Variants in AHNAK2 observed in about 807,000 individuals in gnomAD.
The protein encoded by AHNAK2 is protein AHNAK2.
AHNAK2 carries 18 observed loss-of-function variants against 30.7 expected under a neutral mutation model. That is an observed-to-expected ratio of 0.59 (90% CI 0.41 to 0.87). The LOEUF is 0.87. Among genes scored for constraint, AHNAK2 ranks in the 40% least tolerant of loss-of-function variants. AHNAK2 has a pLI of 0.00. For missense variants in AHNAK2, 8,604 were observed against 7,373.0 expected, an observed-to-expected ratio of 1.17 and a Z score of -6.11; for synonymous variants, 3,590 against 3,073.8, an observed-to-expected ratio of 1.17 and a Z score of -5.56.
At position 104,951,597 on chromosome 14, in the gene AHNAK2, T is replaced by C. The variant is rs769099753; in HGVS notation, c.3854A>G (p.His1285Arg). 7 of 1,244,248 alleles carry C rather than the reference T, an allele frequency of 5.6e-6. 2 individuals are homozygous for C. The highest frequency in any genetic ancestry group is 1.4e-5 in the African/African-American group (1 of 70,028). 77.1% of individuals were successfully genotyped at this position (1,244,248 alleles called of 1,614,324 possible). Residue 1285 changes from histidine (H) to arginine (R), a missense_variant, in exon 7 of 7, where the codon CAC (histidine) becomes CGC (arginine). Physicochemically the swap from His to Arg is conservative, Grantham distance 29. Coordinates refer to ENST00000333244, the MANE Select transcript of AHNAK2 (RefSeq NM_138420.4). ...ACTGGGCAGAGACACAGCCACTTCG[T>C]GGGCCGTCACCTCTGCCTTATGACC... ...LKGHKAEVTA[H>R]EVAVSLPSVE...
rs1216152832 is a variant in AHNAK2, at chr14:104,943,452, G to A, written c.11999C>T (p.Ala4000Val). 4 of 1,613,154 alleles carry A rather than the reference G, an allele frequency of 2.5e-6. No homozygotes were observed. Among genetic ancestry groups the A allele is most frequent in the Non-Finnish European group, 2.5e-6 (3 of 1,179,644 alleles). The change falls in exon 7 of 7, where the codon GCC (alanine) becomes GTC (valine). Residue 4000 changes from alanine (A) to valine (V), a missense_variant. Coordinates refer to ENST00000333244, the MANE Select transcript of AHNAK2 (RefSeq NM_138420.4). Reference sequence around the variant, plus strand: ...CTGCATGGAAGGGAGGCTCACGTCGGCCTCCACCTTTGGCGCGGTCACATC... The same window carrying A: ...CTGCATGGAAGGGAGGCTCACGTCGACCTCCACCTTTGGCGCGGTCACATC... ...SVDVTAPKVE[A>V]DVSLPSMQGD...
In AHNAK2 at chr14:104,944,265, A is replaced by C. The variant is rs1203752523; in HGVS notation, c.11186T>G (p.Leu3729Trp). The change falls in exon 7 of 7, where the codon TTG (leucine) becomes TGG (tryptophan). Residue 3729 changes from leucine to tryptophan, a missense_variant. Leu to Trp is a moderately conservative substitution (Grantham distance 61). Coordinates refer to ENST00000333244, the MANE Select transcript of AHNAK2 (RefSeq NM_138420.4). ...CTTGAGGTCCACTTTGGGCATCTTC[A>C]AACTGGGCATCTCCACCTTGGGCAG... ...EHLPKVEMPS[L>W]KMPKVDLKGP... 1 of 1,612,174 alleles carries C rather than the reference A, an allele frequency of 6.2e-7. No homozygotes were observed.
At chr14:104,970,184 C>T (rs1899435782) in intron 1 of AHNAK2, among the ~76,000 whole-genome samples, 2 of 152,176 alleles carry the variant, frequency 1.3e-5, no homozygotes, top group Non-Finnish European at 2.9e-5. Context: ...TGCCACACAC[C>T]TTGTATGGCC....
Position 104,947,352 on chromosome 14 carries a change from G to T in AHNAK2, c.8099C>A (p.Pro2700His). The T allele has an allele frequency of 1.2e-6, 2 of 1,612,396 alleles. No individual in the cohort carries two copies. Among genetic ancestry groups the T allele is most frequent in the Non-Finnish European group, 1.7e-6 (2 of 1,179,500 alleles). ...DLKTTDISIQ[P>H]PSAQLEVQAG... ...CTGGACCTCCAGTTGGGCAGAGGGG[G>T]GCTGAATGCTGATGTCAGTGGTCTT... The change falls in exon 7 of 7, where the codon CCC (proline) becomes CAC (histidine). Residue 2700 changes from proline (P) to histidine (H), a missense_variant. Transcript: ENST00000333244.
At position 104,941,922 on chromosome 14, in the gene AHNAK2, T is replaced by C. The variant is rs1224767135; in HGVS notation, c.13529A>G (p.Asp4510Gly). ...PSMQGDLKTT[D>G]LRIQAPSADL... ...GGCGGAAGGGGCCTGAATGCGGAGG[T>C]CAGTGGTCTTGAGGTCCCCCTGCAT... The change falls in exon 7 of 7, where the codon GAC becomes GGC. Residue 4510 changes from aspartate to glycine, a missense_variant. Coordinates refer to ENST00000333244, the MANE Select transcript of AHNAK2 (RefSeq NM_138420.4). 2 of 1,612,878 alleles carry C rather than the reference T, an allele frequency of 1.2e-6. No individual in the cohort carries two copies. Among genetic ancestry groups the C allele is most frequent in the Non-Finnish European group, 1.7e-6 (2 of 1,179,496 alleles).
At position 104,942,389 on chromosome 14, in the gene AHNAK2, A is replaced by T. The variant is rs201943331; in HGVS notation, c.13062T>A (p.Asp4354Glu). The part of the protein sequence containing the change: ...THLSIQPPSA[D>E]LEVQAGQEDV... ...CCTCTTGGCCAGCCTGGACCTCCAG[A>T]TCAGCGGAAGGGGGCTGAATGCTGA... Residue 4354 changes from aspartate to glutamate, a missense_variant, in exon 7 of 7, where the codon GAT (aspartate) becomes GAA (glutamate). Asp to Glu is a conservative substitution (Grantham distance 45). Coordinates refer to ENST00000333244, the MANE Select transcript of AHNAK2 (RefSeq NM_138420.4). The T allele has an allele frequency of 6.2e-7, 1 of 1,605,276 alleles. No individual in the cohort carries two copies. Among genetic ancestry groups the T allele is most frequent in the African/African-American group, 1.4e-5 (1 of 72,882 alleles).
chr14:104,975,534 C>G (rs1899570339), intron 1 of AHNAK2, among the ~76,000 whole-genome samples: 1 of 152,236 alleles, frequency 6.6e-6, no homozygotes, highest in Non-Finnish European at 1.5e-5. Flanking sequence ...TACAGAGGGG[C>G]TCCTTTGCCT....
Position 104,955,776 on chromosome 14 carries a change from C to T in AHNAK2, c.316-143G>A, listed in dbSNP as rs549651790. 2.6e-6 allele frequency: 3 copies of T among 1,163,044 alleles called. No individual in the cohort carries two copies. In the Admixed American group the frequency reaches 9.5e-5, roughly 37 times the overall value. 72.0% of individuals were successfully genotyped at this position (1,163,044 alleles called of 1,614,324 possible). A position where few individuals can be genotyped will look rare whatever the true frequency, so the allele number is the denominator to read the frequency against. On this transcript the variant is annotated intron_variant, in intron 4 of 6. Coordinates refer to ENST00000333244, the MANE Select transcript of AHNAK2 (RefSeq NM_138420.4). Reference sequence around the variant, plus strand: ...ACAACACAGAGCAGAGTAGGGTACCCACCAGGTGGGCTCAGGTAGCTGTCT... The same window carrying T: ...ACAACACAGAGCAGAGTAGGGTACCTACCAGGTGGGCTCAGGTAGCTGTCT...
At position 104,942,514 on chromosome 14, in the gene AHNAK2, G is replaced by A. The variant is rs778026192; in HGVS notation, c.12937C>T (p.Pro4313Ser). 6.2e-7 allele frequency: 1 copy of A among 1,612,974 alleles called. No individual in the cohort carries two copies. Among genetic ancestry groups the A allele is most frequent in the South Asian group, 1.1e-5 (1 of 91,038 alleles). The change falls in exon 7 of 7, where the codon CCA (proline) becomes TCA (serine). Residue 4313 changes from proline to serine, a missense_variant. Pro to Ser is a moderately conservative substitution (Grantham distance 74, BLOSUM62 -1). Transcript: ENST00000333244. The stretch of plus-strand genomic sequence containing the variant: ...AACGAGGCCTCGATGGACTTGCCTG[G>A]GGCAGACACCCCGAACGACGGCATC... ...FKMPSFGVSA[P>S]GKSIEASLDV...
Position 104,943,301 on chromosome 14 carries a change from G to A in AHNAK2, c.12150C>T (p.His4050=). The A allele has an allele frequency of 6.2e-7, 1 of 1,613,056 alleles. No individual in the cohort carries two copies. Among genetic ancestry groups the A allele is most frequent in the Non-Finnish European group, 8.5e-7 (1 of 1,179,604 alleles). ...AACTGGGCATCTGCACCTTGGGCAG[G>A]TGCCCTTTGAGGCTGGCTCCCTCGG... is the stretch of plus-strand genomic sequence containing the variant. ...PVPEGASLKG[H]LPKVQMPSFK... The change falls in exon 7 of 7, where the codon CAC becomes CAT. Residue 4050 remains histidine (H), a synonymous_variant. Transcript: ENST00000333244.
chr14:104,976,650 G>A (rs1360355262), intron 1 of AHNAK2, among the ~76,000 whole-genome samples: 4 of 152,208 alleles, frequency 2.6e-5, no homozygotes, highest in Non-Finnish European at 5.9e-5. Flanking sequence ...TCCGTAGGCT[G>A]GACACAGGGA....
rs748710099 is a variant in AHNAK2, at chr14:104,954,025, G to A, written c.1426C>T (p.Gln476Ter). 1.2e-6 allele frequency: 2 copies of A among 1,613,720 alleles called. No individual in the cohort carries two copies. The highest frequency in any genetic ancestry group is 1.1e-5 in the South Asian group (1 of 91,078). Residue 476 changes from glutamine (Q) to a stop codon, truncating the protein, a stop_gained, in exon 7 of 7, where the codon CAG becomes TAG. Coordinates refer to ENST00000333244, the MANE Select transcript of AHNAK2 (RefSeq NM_138420.4). LOFTEE classifies it low-confidence loss of function (END_TRUNC). This position sits in a 1 kb window ranked among gnomAD's most constrained non-coding sequence, Gnocchi z 4.3. Reference protein sequence around the residue: ...SLRDTTEGGTQIGPPEIRVRV... With the variant: ...SLRDTTEGGT ...ACCCTAATTTCTGGTGGGCCAATCT[G>A]TGTGCCTCCTTCGGTTGTGTCTCTC...
Position 104,950,726 on chromosome 14 carries a change from G to A in AHNAK2, c.4725C>T (p.His1575=), listed in dbSNP as rs1370545500. 35 of 1,588,156 alleles carry A rather than the reference G, an allele frequency of 2.2e-5. 2 individuals carry two copies. The highest frequency in any genetic ancestry group is 2.8e-5 in the Non-Finnish European group (33 of 1,163,002). Residue 1575 remains histidine (H), a synonymous_variant, in exon 7 of 7, where the codon CAC becomes CAT. Coordinates refer to ENST00000333244, the MANE Select transcript of AHNAK2 (RefSeq NM_138420.4). ...PVSEGAGLKG[H]LPKVQMPSFK... ...AACTGGGCATCTGCACTTTGGGCAGGTGCCCTTTGAGGCCGGCTCCCTCGG... is the reference window on the plus strand; with the variant it reads ...AACTGGGCATCTGCACTTTGGGCAGATGCCCTTTGAGGCCGGCTCCCTCGG...
Position 104,944,665 on chromosome 14 carries a change from C to T in AHNAK2, c.10786G>A (p.Asp3596Asn), listed in dbSNP as rs371361988. 8.2e-5 allele frequency: 133 copies of T among 1,613,102 alleles called. No individual in the cohort carries two copies. The highest frequency in any genetic ancestry group is 7.1e-4 in the South Asian group (65 of 91,024). ...KGPKAEVRVP[D>N]VEVSLPSVEV... The stretch of plus-strand genomic sequence containing the variant: ...ACGCTGGGCAGAGACACCTCGACAT[C>T]GGGGACTCTCACTTCTGCCTTGGGG... Residue 3596 changes from aspartate to asparagine, a missense_variant, in exon 7 of 7, where the codon GAT becomes AAT. Coordinates refer to ENST00000333244, the MANE Select transcript of AHNAK2 (RefSeq NM_138420.4).
rs199604161 is a variant in AHNAK2 at position 104,951,117 on chromosome 14, A to T, written c.4334T>A (p.Val1445Glu). The change falls in exon 7 of 7, where the codon GTG becomes GAG. Residue 1445 changes from valine to glutamate, a missense_variant. Transcript: ENST00000333244. ...CTCCACATCAGGGGCTGTCACTTCC[A>T]CCTTGGGGTCTTTTAGGTCCAGCTT... Reference protein sequence around the residue: ...GPKLDLKDPKVEVTAPDVEVS... With the variant: ...GPKLDLKDPKEEVTAPDVEVS... 2.8e-6 allele frequency: 3 copies of T among 1,062,658 alleles called. 1 individual carries two copies. In the South Asian group the frequency reaches 4.8e-5, roughly 17 times the overall value. 65.8% of individuals were successfully genotyped at this position (1,062,658 alleles called of 1,614,324 possible). A position where few individuals can be genotyped will look rare whatever the true frequency, so the allele number is the denominator to read the frequency against.
rs200455772 is a variant in AHNAK2 at position 104,942,464 on chromosome 14, C to T, written c.12987G>A (p.Glu4329=). Residue 4329 remains glutamate (E), a synonymous_variant, in exon 7 of 7, where the codon GAG becomes GAA. Transcript: ENST00000333244. ...GCATGGAGGGGAGGCTCACGTCAGC[C>T]TCCACCTTCAGCGCAGACACATCCA... ...ASLDVSALKV[E]ADVSLPSMQG... 262 of 1,611,264 alleles carry T rather than the reference C, an allele frequency of 1.6e-4. No homozygotes were observed. In the African/African-American group the frequency reaches 2.6e-3, roughly 16 times the overall value.
rs112306443 is a variant in AHNAK2, at chr14:104,941,916, C to A, written c.13535G>T (p.Arg4512Leu). ...CAGGTCGGCGGAAGGGGCCTGAATG[C>A]GGAGGTCAGTGGTCTTGAGGTCCCC... The part of the protein sequence containing the change: ...MQGDLKTTDL[R>L]IQAPSADLEV... Residue 4512 changes from arginine to leucine, a missense_variant, in exon 7 of 7, where the codon CGC (arginine) becomes CTC (leucine). Coordinates refer to ENST00000333244, the MANE Select transcript of AHNAK2 (RefSeq NM_138420.4). The A allele has an allele frequency of 2.5e-6, 4 of 1,613,438 alleles. No individual in the cohort carries two copies. Among genetic ancestry groups the A allele is most frequent in the African/African-American group, 1.3e-5 (1 of 74,858 alleles).
intron 1 of AHNAK2, among the ~76,000 whole-genome samples, chr14:104,975,783 C>T (rs1899575151): frequency 6.6e-6 from 1 of 152,236 alleles, no homozygotes; most frequent in Admixed American, 6.5e-5. Context: ...CACTCGGCAT[C>T]CCTGGCTGCG....
intron 1 of AHNAK2, among the ~76,000 whole-genome samples, chr14:104,961,196 G>A (rs1048420208): frequency 2.4e-4 from 37 of 151,624 alleles, no homozygotes; most frequent in Admixed American, 2.3e-3. Flanking sequence ...TAAAGCATAT[G>A]ACAGGATGGG....
Sources: allele counts gnomAD v4.1 joint callset (sites outside exome capture counted in the v4.1 genomes callset), GRCh38; gene constraint gnomAD v4.1.1; non-coding constraint Gnocchi (gnomAD v3.1); transcripts MANE v1.5; gene names NCBI Gene and HGNC (gene_info 2026-07-23, HGNC 2026-07-21).